The following OSBPL3 variants were observed in gnomAD, a reference collection of about 807,000 sequenced individuals.
OSBPL3 encodes the protein oxysterol-binding protein-related protein 3.
Under a neutral mutation model 120.1 loss-of-function variants are expected in OSBPL3, and 65 were observed. That is an observed-to-expected ratio of 0.54 (90% CI 0.44 to 0.67). The LOEUF is 0.67. Ranked by LOEUF, OSBPL3 falls within the 30% of genes least tolerant of loss-of-function variation. The pLI is 0.00. For missense variants in OSBPL3, 1,004 were observed against 1,082.1 expected (o/e 0.93, Z 1.01); for synonymous variants, 416 against 402.6 (o/e 1.03, Z -0.40).
Position 24,851,893 on chromosome 7 carries a change from T to A in OSBPL3, c.1158+611A>T, listed in dbSNP as rs1274158135. ...TTTGGGACCCTGTCAGTGATTTTCC[T>A]GTTACTATGAAGGTATAGTGATTGC... On this transcript the variant is annotated intron_variant, in intron 11 of 22. Transcript: ENST00000313367. The surrounding 1 kb of genome is among the most constrained non-coding windows in gnomAD (Gnocchi z 4.1). 1.3e-5 allele frequency among the ~76,000 whole-genome samples: 2 copies of A among 152,220 alleles called. No homozygotes were observed.
chr7:24,878,352 C>T (rs1296698361), intron 2 of OSBPL3, among the ~76,000 whole-genome samples: 2 of 152,324 alleles, frequency 1.3e-5, no homozygotes, highest in South Asian at 2.1e-4. Flanking sequence ...GGTTGGAAAA[C>T]GGGTGTCCTG....
At position 24,805,999 on chromosome 7, in the gene OSBPL3, C is replaced by A. The variant is rs1296915926; in HGVS notation, c.2444+777G>T. Among the ~76,000 whole-genome samples the A allele has an allele frequency of 6.6e-6, 1 of 152,202 alleles. No homozygotes were observed. Among genetic ancestry groups the A allele is most frequent in the Non-Finnish European group, 1.5e-5 (1 of 68,040 alleles). On this transcript the variant is annotated intron_variant, in intron 21 of 22. Transcript: ENST00000313367. The surrounding 1 kb of genome is among the most constrained non-coding windows in gnomAD (Gnocchi z 4.0). Reference sequence around the variant, plus strand: ...GGGTGTGAGTTCTCACTGAGACACTCAGGCTGGAGAGCAATGGCGTGGTCT... The same window carrying A: ...GGGTGTGAGTTCTCACTGAGACACTAAGGCTGGAGAGCAATGGCGTGGTCT...
chr7:24,866,666 A>G (rs770764368), intron 5 of OSBPL3, among the ~76,000 whole-genome samples: 18 of 152,140 alleles, frequency 1.2e-4, no homozygotes, highest in Non-Finnish European at 2.1e-4. Flanking sequence ...TAAGAAAGAA[A>G]AGAAAAGGAA....
In OSBPL3 at chr7:24,953,355, T is replaced by G. The variant is rs567198879; in HGVS notation, c.-150+26531A>C. On this transcript the variant is annotated intron_variant, in intron 1 of 22. Transcript: ENST00000313367. The surrounding 1 kb of genome is among the most constrained non-coding windows in gnomAD (Gnocchi z 4.3). ...TCCCTGGGGTTTCTTTCAAAAAAAATTATACCAGCAGGTTCTAATTTCCTA... is the reference window on the plus strand; with the variant it reads ...TCCCTGGGGTTTCTTTCAAAAAAAAGTATACCAGCAGGTTCTAATTTCCTA... Among the ~76,000 whole-genome samples, 39 of 152,232 alleles carry G rather than the reference T, an allele frequency of 2.6e-4. No individual in the cohort carries two copies. Among genetic ancestry groups the G allele is most frequent in the African/African-American group, 8.9e-4 (37 of 41,532 alleles).
rs970500358 is a variant in OSBPL3 at position 24,916,083 on chromosome 7, T to C, written c.-149-23462A>G. On this transcript the variant is annotated intron_variant, in intron 1 of 22. Transcript: ENST00000313367. This position sits in a 1 kb window ranked among gnomAD's most constrained non-coding sequence, Gnocchi z 4.9. Reference sequence around the variant, plus strand: ...GGGAGAAGGCACTCGATGTTTATCATGTTGTCCTGTTATTCTCAATCCATC... The same window carrying C: ...GGGAGAAGGCACTCGATGTTTATCACGTTGTCCTGTTATTCTCAATCCATC... Among the ~76,000 whole-genome samples the C allele has an allele frequency of 6.6e-6, 1 of 152,234 alleles. No individual in the cohort carries two copies. The highest frequency in any genetic ancestry group is 2.4e-5 in the African/African-American group (1 of 41,466).
At chr7:24,864,180 T>G (rs11971670) in intron 7 of OSBPL3, among the ~76,000 whole-genome samples, 2,925 of 152,240 alleles carry the variant, frequency 0.019, 103 homozygotes, top group African/African-American at 0.067. Context: ...TGAGAGGACA[T>G]AAGAGGACTC....
Position 24,953,459 on chromosome 7 carries a change from G to A in OSBPL3, c.-150+26427C>T, listed in dbSNP as rs1005276773. On this transcript the variant is annotated intron_variant, in intron 1 of 22. Coordinates refer to ENST00000313367, the MANE Select transcript of OSBPL3 (RefSeq NM_015550.4). This position sits in a 1 kb window ranked among gnomAD's most constrained non-coding sequence, Gnocchi z 4.3. ...ATTGTGTTAAAAAAAAAAGTATTAC[G>A]TATCTGCTGAATTGTAATCAGACTT... Among the ~76,000 whole-genome samples the A allele has an allele frequency of 3.9e-5, 6 of 152,238 alleles. No individual in the cohort carries two copies. Among genetic ancestry groups the A allele is most frequent in the East Asian group, 1.9e-4 (1 of 5,188 alleles).
In OSBPL3 at chr7:24,804,222, T is replaced by C. The variant is rs1792738927; in HGVS notation, c.2567+93A>G. 6 of 1,454,228 alleles carry C rather than the reference T, an allele frequency of 4.1e-6. No individual in the cohort carries two copies. The highest frequency in any genetic ancestry group is 2.3e-5 in the East Asian group (1 of 44,080). The allele number at this position is 1,454,228 out of a possible 1,614,324, so 90.1% of individuals were successfully genotyped here. On this transcript the variant is annotated intron_variant, in intron 22 of 22. Transcript: ENST00000313367. The surrounding 1 kb of genome is among the most constrained non-coding windows in gnomAD (Gnocchi z 5.4). ...AGGAAAAGCCTGGAGAATGCTCTTATCTGGGGACAGTACTGTTCACTTTCT... is the reference window on the plus strand; with the variant it reads ...AGGAAAAGCCTGGAGAATGCTCTTACCTGGGGACAGTACTGTTCACTTTCT...
chr7:24,919,574 G>C (rs1208603260), intron 1 of OSBPL3, among the ~76,000 whole-genome samples: 1 of 151,936 alleles, frequency 6.6e-6, no homozygotes, highest in East Asian at 1.9e-4. Context: ...AGAAAACATA[G>C]GGGTAACTCT....
rs1352135707 is a variant in OSBPL3 at position 24,802,454 on chromosome 7, AG to A, written c.2567+1860del. On this transcript the variant is annotated intron_variant, in intron 22 of 22. Coordinates refer to ENST00000313367, the MANE Select transcript of OSBPL3 (RefSeq NM_015550.4). The surrounding 1 kb of genome is among the most constrained non-coding windows in gnomAD (Gnocchi z 4.1). ...ATTTTACAGACAGTCAAAAAGAAAA[AG>A]AGCAATGGCCGCCCCAGCTGAAGCA... Among the ~76,000 whole-genome samples the A allele has an allele frequency of 1.3e-5, 2 of 152,264 alleles. No individual in the cohort carries two copies. Among genetic ancestry groups the A allele is most frequent in the East Asian group, 3.8e-4 (2 of 5,206 alleles).
chr7:24,906,386 G>T, intron 1 of OSBPL3: 2 of 259,084 alleles, frequency 7.7e-6, no homozygotes. Flanking sequence ...GCCCCTGCTG[G>T]GGAGAGGCAG....
In OSBPL3 at chr7:24,835,582, T is replaced by C. The variant is rs560687895; in HGVS notation, c.1496-846A>G. ...TACTGACTATATACCCAAAGGAATA[T>C]ATATTGTTCTACCATAAAGACGCAT... On this transcript the variant is annotated intron_variant, in intron 14 of 22. Coordinates refer to ENST00000313367, the MANE Select transcript of OSBPL3 (RefSeq NM_015550.4). This position sits in a 1 kb window ranked among gnomAD's most constrained non-coding sequence, Gnocchi z 4.8. Among the ~76,000 whole-genome samples, 8 of 152,264 alleles carry C rather than the reference T, an allele frequency of 5.3e-5. No individual in the cohort carries two copies. The highest frequency in any genetic ancestry group is 2.1e-4 in the South Asian group (1 of 4,812).
Position 24,873,680 on chromosome 7 carries a change from CAG to C in OSBPL3, c.97-1613_97-1612del, listed in dbSNP as rs1437034906. 6.6e-6 allele frequency among the ~76,000 whole-genome samples: 1 copy of C among 151,742 alleles called. No homozygotes were observed. The highest frequency in any genetic ancestry group is 2.1e-4 in the South Asian group (1 of 4,810). On this transcript the variant is annotated intron_variant, in intron 2 of 22. Coordinates refer to ENST00000313367, the MANE Select transcript of OSBPL3 (RefSeq NM_015550.4). This position sits in a 1 kb window ranked among gnomAD's most constrained non-coding sequence, Gnocchi z 4.1. The stretch of plus-strand genomic sequence containing the variant: ...TTATTCCAAGTCACTTAATTACACT[CAG>C]ACAATAAATGCATACTACTAAGTGA...
chr7:24,958,283 T>G (rs574642133), intron 1 of OSBPL3, among the ~76,000 whole-genome samples: 1 of 152,174 alleles, frequency 6.6e-6, no homozygotes, highest in Non-Finnish European at 1.5e-5. Flanking sequence ...TAGTAAAAAA[T>G]GCTATCTCCA....
In OSBPL3 at chr7:24,815,601, T is replaced by C. The variant is rs1168411756; in HGVS notation, c.2028-398A>G. On this transcript the variant is annotated intron_variant, in intron 18 of 22. Coordinates refer to ENST00000313367, the MANE Select transcript of OSBPL3 (RefSeq NM_015550.4). This position sits in a 1 kb window ranked among gnomAD's most constrained non-coding sequence, Gnocchi z 5.1. ...TTTATACAATCTGCTAAACATACAT[T>C]GCCTGCATCCTTTGTGATGAGAAAG... 2.6e-5 allele frequency among the ~76,000 whole-genome samples: 4 copies of C among 152,342 alleles called. No individual in the cohort carries two copies. In the East Asian group the frequency reaches 7.7e-4, roughly 29 times the overall value.
Position 24,849,204 on chromosome 7 carries a change from TGTTAATAA to T in OSBPL3, c.1159-36_1159-29del. Reference sequence around the variant, plus strand: ...GGAACATGTTAAAATAGTGGGGCTCTGTTAATAAATGGATGTTTCAGAAAAGCACAGCA... The same window carrying T: ...GGAACATGTTAAAATAGTGGGGCTCTATGGATGTTTCAGAAAAGCACAGCA... On this transcript the variant is annotated intron_variant, in intron 11 of 22. Coordinates refer to ENST00000313367, the MANE Select transcript of OSBPL3 (RefSeq NM_015550.4). The surrounding 1 kb of genome is among the most constrained non-coding windows in gnomAD (Gnocchi z 5.4). 1 of 1,534,788 alleles carries T rather than the reference TGTTAATAA, an allele frequency of 6.5e-7. No individual in the cohort carries two copies. Among genetic ancestry groups the T allele is most frequent in the Non-Finnish European group, 9.0e-7 (1 of 1,109,764 alleles).
At chr7:24,935,790 G>A (rs1056140075) in intron 1 of OSBPL3, among the ~76,000 whole-genome samples, 6 of 151,866 alleles carry the variant, frequency 4.0e-5, no homozygotes, top group Admixed American at 6.6e-5. Context: ...ATGTATTCTG[G>A]CATCTATTTT....
intron 1 of OSBPL3, among the ~76,000 whole-genome samples, chr7:24,901,684 C>A (rs1397858011): frequency 2.6e-5 from 4 of 152,128 alleles, no homozygotes; most frequent in African/African-American, 9.7e-5. Context: ...CTGGTGGGGC[C>A]AGGCTTTGGT....
At position 24,879,448 on chromosome 7, in the gene OSBPL3, T is replaced by C. The variant is rs555272811; in HGVS notation, c.97-7379A>G. ...CACACACAGATGTAGCTCTCCAACC[T>C]CAGGCCAGAGCTAGGGAAGTGAATA... is the stretch of plus-strand genomic sequence containing the variant. On this transcript the variant is annotated intron_variant, in intron 2 of 22. Transcript: ENST00000313367. The surrounding 1 kb of genome is among the most constrained non-coding windows in gnomAD (Gnocchi z 5.6). 3.9e-5 allele frequency among the ~76,000 whole-genome samples: 6 copies of C among 152,252 alleles called. No individual in the cohort carries two copies. The highest frequency in any genetic ancestry group is 3.9e-4 in the Admixed American group (6 of 15,292).
Sources: gnomAD v4.1 joint callset for allele counts (sites outside exome capture counted in the v4.1 genomes callset) on GRCh38, gnomAD v4.1.1 for gene constraint, Gnocchi (gnomAD v3.1) non-coding constraint, MANE v1.5 for transcripts, NCBI Gene and HGNC (gene_info 2026-07-23, HGNC 2026-07-21) for gene names.